KCNH7: variants seen among roughly 807,000 people sequenced by gnomAD.
The protein encoded by KCNH7 is voltage-gated inwardly rectifying potassium channel KCNH7.
In KCNH7, 49 loss-of-function variants were observed where a neutral mutation model predicts 120.8. The ratio of observed to expected loss-of-function variants is 0.41; its 90% CI spans 0.32 to 0.51. KCNH7 has a LOEUF of 0.51. KCNH7 is among the 20% of genes least tolerant of loss of function. The probability of loss-of-function intolerance (pLI) is 0.38; values close to 1 mark genes in which losing one functional copy is unlikely to be tolerated. For synonymous variants in KCNH7, 547 were observed against 516.1 expected (o/e 1.06, Z -0.81); for missense variants, 1,097 against 1,446.6 (o/e 0.76, Z 3.92).
intron 9 of KCNH7, among the ~76,000 whole-genome samples, chr2:162,411,849 G>C (rs940488847): frequency 3.3e-5 from 5 of 151,614 alleles, no homozygotes; most frequent in Non-Finnish European, 2.9e-5. Context: ...CCAATAAGTA[G>C]TTGCTATTAA....
At chr2:162,568,388 T>C (rs1191883505) in intron 2 of KCNH7, among the ~76,000 whole-genome samples, 4 of 152,178 alleles carry the variant, frequency 2.6e-5, no homozygotes, top group African/African-American at 9.6e-5. Flanking sequence ...AGGTGTATAG[T>C]AGGCTGTACC....
intron 2 of KCNH7, among the ~76,000 whole-genome samples, chr2:162,667,733 C>G (rs1685193046): frequency 6.6e-6 from 1 of 152,142 alleles, no homozygotes; most frequent in African/African-American, 2.4e-5. Flanking sequence ...TCAGATAACT[C>G]CACTACATCA....
chr2:162,803,499 C>A (rs552218452), intron 2 of KCNH7, among the ~76,000 whole-genome samples: 3 of 151,852 alleles, frequency 2.0e-5, no homozygotes, highest in Admixed American at 6.6e-5. Context: ...AGTGTATAAT[C>A]TCCCCAAGGT....
chr2:162,805,576 A>G (rs1376767359), intron 2 of KCNH7, among the ~76,000 whole-genome samples: 1 of 152,050 alleles, frequency 6.6e-6, no homozygotes, highest in Non-Finnish European at 1.5e-5. Context: ...TAAGAAGTCA[A>G]AAAACAATAG....
intron 2 of KCNH7, among the ~76,000 whole-genome samples, chr2:162,607,819 A>T (rs554473587): frequency 2.0e-4 from 30 of 152,250 alleles, no homozygotes; most frequent in Non-Finnish European, 4.4e-5. Flanking sequence ...ATATCTTTAC[A>T]TAAAAATATA....
chr2:162,609,819 C>T (rs1287219802), intron 2 of KCNH7, among the ~76,000 whole-genome samples: 3 of 152,052 alleles, frequency 2.0e-5, no homozygotes, highest in Non-Finnish European at 4.4e-5. Context: ...GGTGGAGGGG[C>T]AGGAAAAGGG....
At chr2:162,723,870 A>G (rs1399491079) in intron 2 of KCNH7, among the ~76,000 whole-genome samples, 1 of 152,208 alleles carries the variant, frequency 6.6e-6, no homozygotes, top group Non-Finnish European at 1.5e-5. Flanking sequence ...GAAGGCTACA[A>G]TCATAACTAA....
intron 2 of KCNH7, among the ~76,000 whole-genome samples, chr2:162,805,210 C>T (rs763470652): frequency 6.6e-6 from 1 of 151,878 alleles, no homozygotes; most frequent in Admixed American, 6.6e-5. Context: ...AAAGCAAATG[C>T]AACAAAAATA....
At chr2:162,534,132 C>T (rs1692027753) in intron 3 of KCNH7, among the ~76,000 whole-genome samples, 1 of 151,298 alleles carries the variant, frequency 6.6e-6, no homozygotes, top group East Asian at 1.9e-4. Flanking sequence ...TATTACATTT[C>T]TAAATTCATG....
Position 162,396,787 on chromosome 2 carries a change from G to C in KCNH7, c.2566C>G (p.Leu856Val), listed in dbSNP as rs1457216314. 1.9e-6 allele frequency: 3 copies of C among 1,611,612 alleles called. No homozygotes were observed. In the African/African-American group the frequency reaches 4.0e-5, roughly 22 times the overall value. The stretch of plus-strand genomic sequence containing the variant: ...TTGAAAGTCAACTCTAGGTTTGTTA[G>C]AAAGTGATCAGAAAACTCAGGATAC... ...DMYPEFSDHF[L>V]TNLELTFNLR... Residue 856 changes from leucine (L) to valine (V), a missense_variant, in exon 11 of 16, where the codon CTA becomes GTA. This residue lies in a region of KCNH7 where 406 missense variants were observed against 410.5 expected (regional missense o/e 0.99). Coordinates refer to ENST00000332142, the MANE Select transcript of KCNH7 (RefSeq NM_033272.4).
chr2:162,836,583 C>T lies in KCNH7; in HGVS notation c.261G>A (p.Leu87=). Residue 87 remains leucine, a synonymous_variant, in exon 2 of 16, where the codon CTG becomes CTA. Coordinates refer to ENST00000332142, the MANE Select transcript of KCNH7 (RefSeq NM_033272.4). The part of the protein sequence containing the change: ...HDIAQIAQAL[L]GSEERKVEVT... The stretch of plus-strand genomic sequence containing the variant: ...CCTCCACTTTCCTCTCTTCTGACCC[C>T]AGCAATGCCTGGGCAATTTGGGCAA... The T allele has an allele frequency of 6.2e-7, 1 of 1,614,064 alleles. No individual in the cohort carries two copies. The highest frequency in any genetic ancestry group is 2.2e-5 in the East Asian group (1 of 44,870).
At chr2:162,599,195 ACT>A (rs753031861) in intron 2 of KCNH7, among the ~76,000 whole-genome samples, 2 of 151,940 alleles carry the variant, frequency 1.3e-5, no homozygotes, top group Non-Finnish European at 2.9e-5. Flanking sequence ...ACAGAGCGAG[ACT>A]CTGTCTCAAA....
intron 6 of KCNH7, among the ~76,000 whole-genome samples, chr2:162,485,595 T>C (rs755267650): frequency 1.6e-4 from 24 of 152,200 alleles, no homozygotes; most frequent in Non-Finnish European, 3.2e-4. Context: ...GAAGTCTTTC[T>C]TTATTGAAAA....
intron 2 of KCNH7, among the ~76,000 whole-genome samples, chr2:162,826,761 A>T (rs772452061): frequency 1.5e-4 from 23 of 152,128 alleles, no homozygotes; most frequent in Non-Finnish European, 3.2e-4. Flanking sequence ...CTTTTTAATA[A>T]CTGCCTTAAT....
chr2:162,676,612 G>A (rs191778588), intron 2 of KCNH7, among the ~76,000 whole-genome samples: 1 of 151,500 alleles, frequency 6.6e-6, no homozygotes, highest in African/African-American at 2.4e-5. Context: ...TCAATGTCTA[G>A]GAGATGCACA....
Position 162,379,952 on chromosome 2 carries a change from G to A in KCNH7, c.3032C>T (p.Ala1011Val). ...HPQPEDSSPS[A>V]LQRAAWGISE... ...GATACCCCAGGCAGCTCGCTGAAGTGCAGATGGACTGGAGTCTTCAGGCTG... is the reference window on the plus strand; with the variant it reads ...GATACCCCAGGCAGCTCGCTGAAGTACAGATGGACTGGAGTCTTCAGGCTG... The change falls in exon 14 of 16, where the codon GCA becomes GTA. Residue 1011 changes from alanine (A) to valine (V), a missense_variant. Transcript: ENST00000332142. The A allele has an allele frequency of 6.2e-7, 1 of 1,614,074 alleles. No homozygotes were observed. The highest frequency in any genetic ancestry group is 8.5e-7 in the Non-Finnish European group (1 of 1,179,960).
chr2:162,457,352 A>G (rs1448390230), intron 6 of KCNH7, among the ~76,000 whole-genome samples: 1 of 152,132 alleles, frequency 6.6e-6, no homozygotes, highest in Non-Finnish European at 1.5e-5. Flanking sequence ...AAGGAATAAA[A>G]AAAGGGAAAC....
In KCNH7 at chr2:162,429,383, C is replaced by CTTTTTTTTTTTTTT. The variant is rs60854157; in HGVS notation, c.1954+5801_1954+5814dup. ...AGACATTTAGAAATGAGGAAAAAGTCTTTTTTTTTTTTTTTTTTTTTTACT... is the reference window on the plus strand; with the variant it reads ...AGACATTTAGAAATGAGGAAAAAGTCTTTTTTTTTTTTTTTTTTTTTTTTTTTTTTTTTTTTACT... On this transcript the variant is annotated intron_variant, in intron 8 of 15. Transcript: ENST00000332142. Among the ~76,000 whole-genome samples the CTTTTTTTTTTTTTT allele has an allele frequency of 1.1e-3, 99 of 86,228 alleles. 12 individuals carry two copies. The highest frequency in any genetic ancestry group is 5.8e-3 in the African/African-American group (92 of 15,968). 56.6% of individuals were successfully genotyped at this position (86,228 alleles called of 152,430 possible).
At chr2:162,728,415 A>G (rs1366744425) in intron 2 of KCNH7, among the ~76,000 whole-genome samples, 1 of 152,112 alleles carries the variant, frequency 6.6e-6, no homozygotes, top group Non-Finnish European at 1.5e-5. Context: ...ATGTTTTCCA[A>G]ATATTTTTCC....
Sources: allele counts gnomAD v4.1 joint callset (sites outside exome capture counted in the v4.1 genomes callset), GRCh38; gene constraint gnomAD v4.1.1; regional missense constraint gnomAD v4.1.1; transcripts MANE v1.5; gene names NCBI Gene and HGNC (gene_info 2026-07-23, HGNC 2026-07-21).